Variants in GABRB1 observed in about 807,000 individuals in gnomAD.
GABRB1 encodes the protein gamma-aminobutyric acid type A receptor subunit beta1.
GABRB1 carries 17 observed loss-of-function variants against 51.6 expected under a neutral mutation model. The ratio of observed to expected loss-of-function variants is 0.33; its 90% CI spans 0.23 to 0.49. GABRB1 has a LOEUF of 0.49. Ranked by LOEUF, GABRB1 falls within the 20% of genes least tolerant of loss-of-function variation. The pLI is 0.99. For synonymous variants in GABRB1, 247 were observed against 218.9 expected (o/e 1.13, Z -1.14); for missense variants, 410 against 600.6 (o/e 0.68, Z 3.32).
intron 4 of GABRB1, among the ~76,000 whole-genome samples, chr4:47,270,172 C>T (rs1001318975): frequency 6.6e-6 from 1 of 152,170 alleles, no homozygotes; most frequent in Non-Finnish European, 1.5e-5. Context: ...GATTGGCTGG[C>T]TCTGAATGTA....
chr4:47,098,151 AAC>A (rs59294163), intron 3 of GABRB1, among the ~76,000 whole-genome samples: 48,794 of 147,848 alleles, frequency 0.33, 8,196 homozygotes, highest in East Asian at 0.61. Flanking sequence ...TTTTAGTACA[AAC>A]ACACACACAC....
chr4:47,075,948 A>C (rs1382999437), intron 3 of GABRB1, among the ~76,000 whole-genome samples: 5 of 152,154 alleles, frequency 3.3e-5, no homozygotes, highest in Non-Finnish European at 7.4e-5. Context: ...ATAGCTGTAG[A>C]TGAGAATCCA....
intron 3 of GABRB1, among the ~76,000 whole-genome samples, chr4:47,158,477 T>A (rs1399348179): frequency 6.6e-6 from 1 of 152,124 alleles, no homozygotes. Flanking sequence ...CATTACACAT[T>A]AAAGCTTTAT....
At chr4:47,336,024 A>G (rs1725685382) in intron 5 of GABRB1, among the ~76,000 whole-genome samples, 1 of 152,214 alleles carries the variant, frequency 6.6e-6, no homozygotes, top group African/African-American at 2.4e-5. Context: ...TTCAAGATCT[A>G]CACTTAGAAG....
chr4:47,004,710 CA>C (rs1042824652), intron 1 of GABRB1, among the ~76,000 whole-genome samples: 1 of 151,560 alleles, frequency 6.6e-6, no homozygotes, highest in Non-Finnish European at 1.5e-5. Flanking sequence ...AGCAAACAAA[CA>C]AAAAACAGAT....
chr4:47,282,700 C>A (rs1282915118), intron 4 of GABRB1, among the ~76,000 whole-genome samples: 7 of 152,142 alleles, frequency 4.6e-5, no homozygotes, highest in Non-Finnish European at 1.0e-4. Context: ...AAAGAAAAAT[C>A]TTTTCAGTGT....
chr4:47,009,266 T>C (rs957565779), intron 1 of GABRB1, among the ~76,000 whole-genome samples: 5 of 150,920 alleles, frequency 3.3e-5, no homozygotes, highest in Non-Finnish European at 7.4e-5. Flanking sequence ...AAATTATGTA[T>C]CTATAAAAAG....
At chr4:47,297,679 A>G (rs571059546) in intron 4 of GABRB1, among the ~76,000 whole-genome samples, 100 of 152,290 alleles carry the variant, frequency 6.6e-4, no homozygotes, top group Non-Finnish European at 8.8e-5. Flanking sequence ...TGCCAAAGGT[A>G]CAAGGAGGAA....
intron 3 of GABRB1, among the ~76,000 whole-genome samples, chr4:47,136,654 C>T (rs1223577761): frequency 1.3e-5 from 2 of 152,024 alleles, no homozygotes; most frequent in Admixed American, 6.6e-5. Flanking sequence ...ATAGAATTCA[C>T]TCTAATGATA....
At chr4:47,027,150 T>C (rs2109458973), upstream of GABRB1, among the ~76,000 whole-genome samples, 1 of 151,734 alleles carries the variant, frequency 6.6e-6, no homozygotes, top group Non-Finnish European at 1.5e-5. Context: ...ATCTCTTTAT[T>C]AGTAAGATAG....
At chr4:47,296,581 C>G (rs922352505) in intron 4 of GABRB1, among the ~76,000 whole-genome samples, 10 of 152,154 alleles carry the variant, frequency 6.6e-5, no homozygotes, top group Admixed American at 3.3e-4. Context: ...TATATGCACC[C>G]AATTCAGGAG....
At chr4:47,289,730 T>C (rs1484892466) in intron 4 of GABRB1, among the ~76,000 whole-genome samples, 1 of 152,204 alleles carries the variant, frequency 6.6e-6, no homozygotes, top group African/African-American at 2.4e-5. Context: ...CCTGTATGTA[T>C]AGCCTGGGAT....
intron 5 of GABRB1, among the ~76,000 whole-genome samples, chr4:47,350,990 T>C (rs1726307892): frequency 6.6e-6 from 1 of 152,238 alleles, no homozygotes. Context: ...TTGGATGAGA[T>C]AAAAGTTTCT....
intron 3 of GABRB1, among the ~76,000 whole-genome samples, chr4:47,123,310 T>G: frequency 7.5e-6 from 1 of 133,720 alleles, no homozygotes; most frequent in East Asian, 2.1e-4. Context: ...ATATGTATTA[T>G]ATAATATTAT....
At position 47,124,765 on chromosome 4, in the gene GABRB1, G is replaced by A. The variant is rs543865523; in HGVS notation, c.241-36484G>A. On this transcript the variant is annotated intron_variant, in intron 3 of 8. Coordinates refer to ENST00000295454, the MANE Select transcript of GABRB1 (RefSeq NM_000812.4). ...CAACAGCAGACTTGATTAAGCAGAA[G>A]AATCAGTGAACTAAAAGACAGGTCA... Among the ~76,000 whole-genome samples, 7 of 152,082 alleles carry A rather than the reference G, an allele frequency of 4.6e-5. No individual in the cohort carries two copies. In the South Asian group the frequency reaches 1.5e-3, roughly 32 times the overall value.
At chr4:47,111,828 G>T (rs1365769281) in intron 3 of GABRB1, among the ~76,000 whole-genome samples, 1 of 152,034 alleles carries the variant, frequency 6.6e-6, no homozygotes, top group Non-Finnish European at 1.5e-5. Context: ...TCATACCACT[G>T]CACTCCAACC....
intron 4 of GABRB1, among the ~76,000 whole-genome samples, chr4:47,201,271 A>G (rs1027628364): frequency 6.6e-6 from 1 of 152,144 alleles, no homozygotes; most frequent in Non-Finnish European, 1.5e-5. Flanking sequence ...TGAATAAGAA[A>G]CCAAAGTTCA....
intron 1 of GABRB1, among the ~76,000 whole-genome samples, chr4:46,997,272 A>C (rs977525880): frequency 6.6e-6 from 1 of 152,108 alleles, no homozygotes; most frequent in Non-Finnish European, 1.5e-5. Context: ...TCAAATTAAC[A>C]TATCCACCAC....
chr4:47,379,191 GTACTA>G (rs1336090706), intron 5 of GABRB1, among the ~76,000 whole-genome samples: 4 of 152,084 alleles, frequency 2.6e-5, no homozygotes, highest in African/African-American at 9.7e-5. Flanking sequence ...ATACTATACT[GTACTA>G]TACTCTACTA....
Sources: allele counts gnomAD v4.1 joint callset (sites outside exome capture counted in the v4.1 genomes callset), GRCh38; gene constraint gnomAD v4.1.1; transcripts MANE v1.5; gene names NCBI Gene and HGNC (gene_info 2026-07-23, HGNC 2026-07-21).